The following ACAN variants were observed in gnomAD, a reference collection of about 807,000 sequenced individuals.
ACAN encodes the protein aggrecan core protein.
In ACAN, 47 loss-of-function variants were observed where a neutral mutation model predicts 169.1. The observed-to-expected ratio is 0.28, with a 90% CI of 0.22 to 0.35. ACAN has a LOEUF of 0.35. ACAN is among the 10% of genes least tolerant of loss of function. The pLI is 1.00. For synonymous variants in ACAN, 1,115 were observed against 1,112.2 expected, an observed-to-expected ratio of 1.00 and a Z score of -0.05; for missense variants, 2,716 against 2,759.9, an observed-to-expected ratio of 0.98 and a Z score of 0.36.
At chr15:88,805,603 A>G (rs1373798128) in intron 1 of ACAN, among the ~76,000 whole-genome samples, 1 of 152,168 alleles carries the variant, frequency 6.6e-6, no homozygotes, top group African/African-American at 2.4e-5. Context: ...TCTGTGCTCA[A>G]TGCTGGCCCA....
In ACAN at chr15:88,872,850, C is replaced by A. The variant is rs779447828; in HGVS notation, c.7303-31C>A. ...AGGCCAACCCGCACTGTCCTGCCCT[C>A]TCCTTACTCCTTCCCCACTCCCACC... On this transcript the variant is annotated intron_variant, in intron 16 of 18. Coordinates refer to ENST00000560601, the MANE Select transcript of ACAN (RefSeq NM_001369268.1). This position sits in a 1 kb window ranked among gnomAD's most constrained non-coding sequence, Gnocchi z 5.4. 1 of 1,611,974 alleles carries A rather than the reference C, an allele frequency of 6.2e-7. No homozygotes were observed. Among genetic ancestry groups the A allele is most frequent in the African/African-American group, 1.3e-5 (1 of 74,894 alleles).
rs1516794 is a variant in ACAN, at chr15:88,861,672, A to T, written c.6946+1233A>T. Among the ~76,000 whole-genome samples the T allele has an allele frequency of 6.4e-3, 978 of 152,172 alleles. 27 individuals carry two copies. In the East Asian group the frequency reaches 0.087, roughly 14 times the overall value. Reference sequence around the variant, plus strand: ...TACTGCAGAAGGGGACAGCATTTCCACTGGGCCATAGTGACCCCAGGGACC... The same window carrying T: ...TACTGCAGAAGGGGACAGCATTTCCTCTGGGCCATAGTGACCCCAGGGACC... On this transcript the variant is annotated intron_variant, in intron 13 of 18. Transcript: ENST00000560601. The surrounding 1 kb of genome is among the most constrained non-coding windows in gnomAD (Gnocchi z 6.3).
rs1164303254 is a variant in ACAN at position 88,845,952 on chromosome 15, G to T, written c.1429+70G>T. On this transcript the variant is annotated intron_variant, in intron 7 of 18. Coordinates refer to ENST00000560601, the MANE Select transcript of ACAN (RefSeq NM_001369268.1). ...CTTGGCCTGCAGGGAAGGGATTCCC[G>T]CAGTTGAAGGCTGTACCTTCTACTT... The T allele has an allele frequency of 1.1e-5, 15 of 1,409,338 alleles. No homozygotes were observed. In the South Asian group the frequency reaches 1.2e-4, roughly 11 times the overall value. The allele number at this position is 1,409,338 out of a possible 1,614,324, so 87.3% of individuals were successfully genotyped here.
In ACAN at chr15:88,826,373, T is replaced by A. The variant is rs549866549; in HGVS notation, c.-7-9827T>A. Reference sequence around the variant, plus strand: ...GGCATTTGTATAGTGGCCTTTTTTTTCTTTTTTTTTTTTTTTTTTTGGAGC... The same window carrying A: ...GGCATTTGTATAGTGGCCTTTTTTTACTTTTTTTTTTTTTTTTTTTGGAGC... On this transcript the variant is annotated intron_variant, in intron 1 of 18. Coordinates refer to ENST00000560601, the MANE Select transcript of ACAN (RefSeq NM_001369268.1). 4.6e-4 allele frequency among the ~76,000 whole-genome samples: 65 copies of A among 141,128 alleles called. 1 individual carries two copies. The East Asian group carries it at 0.013, about 28-fold the overall frequency. 92.6% of individuals were successfully genotyped at this position (141,128 alleles called of 152,430 possible). A position where few individuals can be genotyped will look rare whatever the true frequency, so the allele number is the denominator to read the frequency against.
intron 1 of ACAN, among the ~76,000 whole-genome samples, chr15:88,832,303 T>TAAA (rs149428400): frequency 8.4e-4 from 116 of 137,612 alleles, no homozygotes; most frequent in African/African-American, 3.0e-3. Flanking sequence ...GTAGATACCT[T>TAAA]AAAAAAAAAA....
chr15:88,863,083 A>G (rs1897229309), intron 13 of ACAN, among the ~76,000 whole-genome samples: 1 of 151,918 alleles, frequency 6.6e-6, no homozygotes, highest in Non-Finnish European at 1.5e-5. Flanking sequence ...TGATTCCTGC[A>G]GTAATATTTG....
In ACAN at chr15:88,874,435, G is replaced by A. The variant is rs759942986; in HGVS notation, c.7661G>A (p.Arg2554Gln). The change falls in exon 19 of 19, where the codon CGG becomes CAG. Residue 2554 changes from arginine to glutamine, a missense_variant. By Grantham distance (43) the Arg-to-Gln change is conservative (BLOSUM62 1). This residue lies in a region of ACAN where 1,389 missense variants were observed against 1,363.7 expected (regional missense o/e 1.02). Coordinates refer to ENST00000560601, the MANE Select transcript of ACAN (RefSeq NM_001369268.1). This position sits in a 1 kb window ranked among gnomAD's most constrained non-coding sequence, Gnocchi z 7.3. ...PTTYKRRLQK[R>Q]SSRHPRRSRP... Reference sequence around the variant, plus strand: ...ACCTACAAACGCAGACTACAGAAGCGGAGCTCACGGCACCCTCGGAGGAGC... The same window carrying A: ...ACCTACAAACGCAGACTACAGAAGCAGAGCTCACGGCACCCTCGGAGGAGC... 6.0e-5 allele frequency: 96 copies of A among 1,607,422 alleles called. No individual in the cohort carries two copies. Among genetic ancestry groups the A allele is most frequent in the Admixed American group, 5.4e-4 (32 of 59,194 alleles).
rs562475179 is a variant in ACAN, at chr15:88,864,685, G to A, written c.6947-3531G>A. Among the ~76,000 whole-genome samples, 7 of 152,290 alleles carry A rather than the reference G, an allele frequency of 4.6e-5. No homozygotes were observed. The East Asian group carries it at 1.2e-3, about 25-fold the overall frequency. Reference sequence around the variant, plus strand: ...AAAGTTAGTGTATCTACTCAGGTCTGTTCATCTTCATTGATCCCAGGTCTT... The same window carrying A: ...AAAGTTAGTGTATCTACTCAGGTCTATTCATCTTCATTGATCCCAGGTCTT... On this transcript the variant is annotated intron_variant, in intron 13 of 18. Transcript: ENST00000560601.
intron 1 of ACAN, among the ~76,000 whole-genome samples, chr15:88,821,697 G>A (rs1483899488): frequency 6.6e-6 from 1 of 152,164 alleles, no homozygotes; most frequent in African/African-American, 2.4e-5. Context: ...TGTCACTGAA[G>A]GATGCCCATG....
chr15:88,860,802 T>C (rs1897179478), intron 13 of ACAN, among the ~76,000 whole-genome samples: 1 of 152,138 alleles, frequency 6.6e-6, no homozygotes, highest in South Asian at 2.1e-4. Flanking sequence ...CCGCTCCTGG[T>C]GAGGAGTGTC....
rs572903055 is a variant in ACAN, at chr15:88,858,499, C to T, written c.5914C>T (p.Pro1972Ser). ...LELSGAHSGA[P>S]DMSGEHSGFL... is the part of the protein sequence containing the mutation. ...ACTCAGTGGTGCTCATTCTGGAGCACCAGACATGTCTGGGGAGCATTCTGG... is the reference window on the plus strand; with the variant it reads ...ACTCAGTGGTGCTCATTCTGGAGCATCAGACATGTCTGGGGAGCATTCTGG... Residue 1972 changes from proline (P) to serine (S), a missense_variant, in exon 12 of 19, where the codon CCA (proline) becomes TCA (serine). Transcript: ENST00000560601. The surrounding 1 kb of genome is among the most constrained non-coding windows in gnomAD (Gnocchi z 4.0). 5.7e-5 allele frequency: 92 copies of T among 1,613,808 alleles called. 1 individual carries two copies. The South Asian group carries it at 6.3e-4, about 11-fold the overall frequency.
Position 88,838,961 on chromosome 15 carries a change from G to A in ACAN, c.369G>A (p.Leu123=), listed in dbSNP as rs778151431. 9 of 1,613,642 alleles carry A rather than the reference G, an allele frequency of 5.6e-6. No individual in the cohort carries two copies. The highest frequency in any genetic ancestry group is 5.9e-6 in the Non-Finnish European group (7 of 1,179,902). Residue 123 remains leucine, a synonymous_variant, in exon 3 of 19, where the codon CTG becomes CTA. Coordinates refer to ENST00000560601, the MANE Select transcript of ACAN (RefSeq NM_001369268.1). This position sits in a 1 kb window ranked among gnomAD's most constrained non-coding sequence, Gnocchi z 5.1. ...ACGCCACCTTGGAAGTCCAGAGCCT[G>A]CGCTCCAATGACTCTGGGGTCTACC... ...PSDATLEVQS[L]RSNDSGVYRC... is the part of the protein sequence containing the mutation.
Position 88,854,969 on chromosome 15 carries a change from C to T in ACAN, c.2384C>T (p.Pro795Leu). ...EEPSPSEVPFPSEEPSPSEEP... is the reference protein window; with the variant it reads ...EEPSPSEVPFLSEEPSPSEEP... The stretch of plus-strand genomic sequence containing the variant: ...CCATCCCCCTCAGAGGTGCCATTCC[C>T]CTCAGAGGAGCCATCCCCCTCAGAG... Residue 795 changes from proline (P) to leucine (L), a missense_variant, in exon 12 of 19, where the codon CCC (proline) becomes CTC (leucine). Coordinates refer to ENST00000560601, the MANE Select transcript of ACAN (RefSeq NM_001369268.1). 3 of 1,600,484 alleles carry T rather than the reference C, an allele frequency of 1.9e-6. No homozygotes were observed. Among genetic ancestry groups the T allele is most frequent in the East Asian group, 2.3e-5 (1 of 44,368 alleles).
intron 12 of ACAN, 114 bp downstream of exon 12, chr15:88,859,531 T>G: frequency 7.0e-7 from 1 of 1,421,748 alleles, no homozygotes. Flanking sequence ...CCACCAAAGG[T>G]TAGCTGTGCA....
chr15:88,813,804 G>T (rs142728011), intron 1 of ACAN, among the ~76,000 whole-genome samples: 1 of 152,176 alleles, frequency 6.6e-6, no homozygotes, highest in Admixed American at 6.5e-5. Context: ...TCGTGACTTT[G>T]TAGATCTCAG....
In ACAN at chr15:88,839,993, G is replaced by A. The variant is rs371038815; in HGVS notation, c.455-19G>A. The A allele has an allele frequency of 6.3e-7, 1 of 1,587,706 alleles. No individual in the cohort carries two copies. Among genetic ancestry groups the A allele is most frequent in the African/African-American group, 1.3e-5 (1 of 74,586 alleles). ...GCCTGACCAGCTCTTCCGCTTGTGG[G>A]CGTGTATGTGTCTTGCAGGCATCGT... On this transcript the variant is annotated intron_variant, in intron 3 of 18. Coordinates refer to ENST00000560601, the MANE Select transcript of ACAN (RefSeq NM_001369268.1). The surrounding 1 kb of genome is among the most constrained non-coding windows in gnomAD (Gnocchi z 4.5).
rs1897368152 is a variant in ACAN at position 88,871,120 on chromosome 15, C to T, written c.7061-262C>T. 6.6e-6 allele frequency among the ~76,000 whole-genome samples: 1 copy of T among 152,104 alleles called. No individual in the cohort carries two copies. The highest frequency in any genetic ancestry group is 1.9e-4 in the East Asian group (1 of 5,176). On this transcript the variant is annotated intron_variant, in intron 14 of 18. Transcript: ENST00000560601. The surrounding 1 kb of genome is among the most constrained non-coding windows in gnomAD (Gnocchi z 7.8). ...AGAGCAGGCATCAAGAGGAGGAAAG[C>T]TTGGGAGAGGGTGAGGGGGGAGGGC...
At chr15:88,805,214 G>A (rs1362763436) in intron 1 of ACAN, among the ~76,000 whole-genome samples, 1 of 152,108 alleles carries the variant, frequency 6.6e-6, no homozygotes, top group Non-Finnish European at 1.5e-5. Context: ...GGGCAAGGTG[G>A]GTTTGGAGGC....
rs374881297 is a variant in ACAN, at chr15:88,855,238, C to G, written c.2653C>G (p.Gln885Glu). 51 of 1,604,098 alleles carry G rather than the reference C, an allele frequency of 3.2e-5. No homozygotes were observed. The highest frequency in any genetic ancestry group is 4.2e-5 in the Non-Finnish European group (49 of 1,172,312). The part of the protein sequence containing the change: ...DVSGHLDFSG[Q>E]LSGDRASGLP... ...TTCAGGACACCTTGACTTCAGTGGG[C>G]AGCTGTCAGGGGACAGGGCAAGTGG... The change falls in exon 12 of 19, where the codon CAG (glutamine) becomes GAG (glutamate). Residue 885 changes from glutamine (Q) to glutamate (E), a missense_variant. Around this residue, in one of 3 missense-constraint regions of ACAN, gnomAD observed 1,283 missense variants for 1,281.5 expected, o/e 1.00. Transcript: ENST00000560601.
Sources: gnomAD v4.1 joint callset for allele counts (sites outside exome capture counted in the v4.1 genomes callset) on GRCh38, gnomAD v4.1.1 for gene constraint, gnomAD v4.1.1 regional missense constraint, Gnocchi (gnomAD v3.1) non-coding constraint, MANE v1.5 for transcripts, NCBI Gene and HGNC (gene_info 2026-07-23, HGNC 2026-07-21) for gene names.